Variants in TBXA2R observed in about 807,000 individuals in gnomAD.
TBXA2R encodes the protein prostanoid TP receptor.
A neutral mutation model predicts 15.6 loss-of-function variants in TBXA2R; 15 were observed. The ratio of observed to expected loss-of-function variants is 0.96; its 90% CI spans 0.64 to 1.48. The LOEUF is 1.48. TBXA2R is among the 40% of genes most tolerant of loss of function. TBXA2R has a pLI of 0.00. For missense variants in TBXA2R, 506 were observed against 491.4 expected, an observed-to-expected ratio of 1.03 and a Z score of -0.28; for synonymous variants, 280 against 241.2, an observed-to-expected ratio of 1.16 and a Z score of -1.49.
chr19:3,605,575 A>G (rs888694774), intron 1 of TBXA2R, among the ~76,000 whole-genome samples: 1 of 151,734 alleles, frequency 6.6e-6, no homozygotes, highest in Non-Finnish European at 1.5e-5. Context: ...ATACAGAAAC[A>G]TGGCAGATAC....
intron 2 of TBXA2R, among the ~76,000 whole-genome samples, chr19:3,598,345 CT>C (rs1300020033): frequency 1.7e-5 from 2 of 115,390 alleles, no homozygotes; most frequent in Non-Finnish European, 3.5e-5. Context: ...TCTTTCTTTT[CT>C]TTTCTTTTTT....
rs1462822471 is a variant in TBXA2R at position 3,600,425 on chromosome 19, G to T, written c.210C>A (p.Leu70=). Residue 70 remains leucine, a synonymous_variant, in exon 2 of 3, where the codon CTC becomes CTA. Coordinates refer to ENST00000375190, the MANE Select transcript of TBXA2R (RefSeq NM_001060.6). ...RSSFLTFLCG[L]VLTDFLGLLV... ...GCAGCCCCAGGAAGTCGGTGAGGAC[G>T]AGGCCGCAGAGGAAGGTGAGGAAGG... The T allele has an allele frequency of 5.6e-6, 9 of 1,613,174 alleles. No homozygotes were observed. The African/African-American group carries it at 6.7e-5, about 12-fold the overall frequency.
intron 2 of TBXA2R, 77 bp downstream of exon 2, chr19:3,599,764 GTCCCACCA>G: frequency 6.5e-7 from 1 of 1,539,608 alleles, no homozygotes; most frequent in Non-Finnish European, 8.8e-7. Context: ...ACCGCGCCCG[GTCCCACCA>G]TCAGGATCTA....
At chr19:3,599,319 TA>T in intron 2 of TBXA2R, among the ~76,000 whole-genome samples, 3 of 105,184 alleles carry the variant, frequency 2.9e-5, no homozygotes, top group Non-Finnish European at 6.5e-5. Context: ...CATGTCTGGC[TA>T]ATTTTTTTAT....
intron 2 of TBXA2R, among the ~76,000 whole-genome samples, chr19:3,599,538 G>A (rs2032673389): frequency 6.6e-6 from 1 of 151,848 alleles, no homozygotes; most frequent in Non-Finnish European, 1.5e-5. Context: ...CACCGTGTTG[G>A]CCAGAATGGT....
chr19:3,600,346 C>T lies in TBXA2R; in HGVS notation c.289G>A (p.Ala97Thr), dbSNP rs1271431494. ...SQHAALFEWH[A>T]VDPGCRLCRF... is the part of the protein sequence containing the mutation. Reference sequence around the variant, plus strand: ...CAGAGACGGCAGCCAGGGTCCACGGCGTGCCACTCGAAGAGCGCGGCGTGC... The same window carrying T: ...CAGAGACGGCAGCCAGGGTCCACGGTGTGCCACTCGAAGAGCGCGGCGTGC... The change falls in exon 2 of 3, where the codon GCC (alanine) becomes ACC (threonine). Residue 97 changes from alanine to threonine, a missense_variant. Ala to Thr is a moderately conservative substitution (Grantham distance 58). Coordinates refer to ENST00000375190, the MANE Select transcript of TBXA2R (RefSeq NM_001060.6). 6.2e-7 allele frequency: 1 copy of T among 1,613,260 alleles called. No individual in the cohort carries two copies. Among genetic ancestry groups the T allele is most frequent in the Non-Finnish European group, 8.5e-7 (1 of 1,179,832 alleles).
chr19:3,600,712 G>A lies in TBXA2R; in HGVS notation c.-78C>T. 2 of 1,521,142 alleles carry A rather than the reference G, an allele frequency of 1.3e-6. No homozygotes were observed. The highest frequency in any genetic ancestry group is 1.2e-5 in the South Asian group (1 of 85,442). The allele number at this position is 1,521,142 out of a possible 1,614,324, so 94.2% of individuals were successfully genotyped here. A position where few individuals can be genotyped will look rare whatever the true frequency, so the allele number is the denominator to read the frequency against. On this transcript the variant is annotated 5_prime_UTR_variant, in exon 2 of 3. Coordinates refer to ENST00000375190, the MANE Select transcript of TBXA2R (RefSeq NM_001060.6). ...ACAGGGCAGGCTGGCACTGGTTCAG[G>A]CACACCTGGGAGGCGAGAGAAGATT...
At chr19:3,598,595 G>A (rs919812672) in intron 2 of TBXA2R, among the ~76,000 whole-genome samples, 32 of 151,682 alleles carry the variant, frequency 2.1e-4, no homozygotes, top group African/African-American at 6.8e-4. Flanking sequence ...CAGGTGATCC[G>A]CCTGTCTCGG....
At position 3,597,525 on chromosome 19, in the gene TBXA2R, G is replaced by A. The variant is rs551634639; in HGVS notation, c.787-1592C>T. 3.0e-3 allele frequency among the ~76,000 whole-genome samples: 449 copies of A among 152,162 alleles called. 5 individuals are homozygous for A. Among genetic ancestry groups the A allele is most frequent in the African/African-American group, 0.01 (430 of 41,494 alleles). ...GCACACCTGTAGTCCCAGCTACTCC[G>A]GAGGCTGAAGTGGGAGGATCCCTTG... On this transcript the variant is annotated intron_variant, in intron 2 of 2. Coordinates refer to ENST00000375190, the MANE Select transcript of TBXA2R (RefSeq NM_001060.6).
chr19:3,594,874 C>T lies in TBXA2R; in HGVS notation c.*814G>A. 1.3e-6 allele frequency: 2 copies of T among 1,536,842 alleles called. No individual in the cohort carries two copies. The highest frequency in any genetic ancestry group is 2.4e-5 in the South Asian group (2 of 84,058). On this transcript the variant is annotated 3_prime_UTR_variant, in exon 3 of 3. Transcript: ENST00000375190. ...GACAGAGCCTTCCCTGTTGGAGGTT[C>T]AAAAGGAAGCAACTGTACCCCAGCA...
In TBXA2R at chr19:3,595,553, A is replaced by G; in HGVS notation, c.*135T>C. On this transcript the variant is annotated 3_prime_UTR_variant, in exon 3 of 3. Coordinates refer to ENST00000375190, the MANE Select transcript of TBXA2R (RefSeq NM_001060.6). ...GGGGTCCCCGGGTTGGATTGGGGTC[A>G]ACCCAAAACCCTGCTGCTGATGCCC... 2 of 1,439,260 alleles carry G rather than the reference A, an allele frequency of 1.4e-6. No homozygotes were observed. The highest frequency in any genetic ancestry group is 1.8e-6 in the Non-Finnish European group (2 of 1,098,834). The allele number at this position is 1,439,260 out of a possible 1,614,324, so 89.2% of individuals were successfully genotyped here.
chr19:3,595,745 G>T lies in TBXA2R; in HGVS notation c.975C>A (p.Thr325=). ...VLRRLQPRLS[T]RPRSLSLQPQ... Reference sequence around the variant, plus strand: ...GCTGGAGGGACAGCGACCTGGGCCGGGTGCTGAGGCGAGGCTGGAGACGCC... The same window carrying T: ...GCTGGAGGGACAGCGACCTGGGCCGTGTGCTGAGGCGAGGCTGGAGACGCC... The change falls in exon 3 of 3, where the codon ACC becomes ACA. Residue 325 remains threonine, a synonymous_variant. Coordinates refer to ENST00000375190, the MANE Select transcript of TBXA2R (RefSeq NM_001060.6). 1 of 1,605,242 alleles carries T rather than the reference G, an allele frequency of 6.2e-7. No individual in the cohort carries two copies. The highest frequency in any genetic ancestry group is 1.1e-5 in the South Asian group (1 of 89,490).
chr19:3,601,549 A>C lies in TBXA2R; in HGVS notation c.-83-832T>G, dbSNP rs1423423058. Among the ~76,000 whole-genome samples, 7 of 151,686 alleles carry C rather than the reference A, an allele frequency of 4.6e-5. No individual in the cohort carries two copies. The South Asian group carries it at 6.2e-4, about 14-fold the overall frequency. On this transcript the variant is annotated intron_variant, in intron 1 of 2. Coordinates refer to ENST00000375190, the MANE Select transcript of TBXA2R (RefSeq NM_001060.6). Reference sequence around the variant, plus strand: ...AAAAAAAAAAAACCAACCAACCAACAAACAAAAACGCTAAAAACCCCAAAA... The same window carrying C: ...AAAAAAAAAAAACCAACCAACCAACCAACAAAAACGCTAAAAACCCCAAAA...
intron 1 of TBXA2R, among the ~76,000 whole-genome samples, chr19:3,601,560 C>CT (rs1262007929): frequency 6.6e-6 from 1 of 150,602 alleles, no homozygotes; most frequent in Non-Finnish European, 1.5e-5. Context: ...AACAAAAACG[C>CT]TAAAAACCCC....
chr19:3,598,309 G>GT (rs952231586), intron 2 of TBXA2R, among the ~76,000 whole-genome samples: 4 of 147,358 alleles, frequency 2.7e-5, no homozygotes, highest in Admixed American at 2.7e-4. Context: ...CTTGCTTTGG[G>GT]TTTTTTTTCT....
intron 1 of TBXA2R, among the ~76,000 whole-genome samples, chr19:3,602,864 G>A (rs113604036): frequency 0.09 from 13,584 of 151,146 alleles, 698 homozygotes; most frequent in South Asian, 0.14. Flanking sequence ...GTGAAACCCC[G>A]TCTCTACTAA....
At chr19:3,603,035 CA>C (rs397714160) in intron 1 of TBXA2R, among the ~76,000 whole-genome samples, 55,653 of 135,728 alleles carry the variant, frequency 0.41, 11,448 homozygotes, top group Non-Finnish European at 0.49. Context: ...GACTCCATCT[CA>C]AAAAAAAAAA....
At chr19:3,596,563 A>G (rs2032608104) in intron 2 of TBXA2R, among the ~76,000 whole-genome samples, 1 of 152,108 alleles carries the variant, frequency 6.6e-6, no homozygotes, top group South Asian at 2.1e-4. Context: ...AATAAATAGA[A>G]AAGTTACCCA....
At chr19:3,598,346 T>TTTC in intron 2 of TBXA2R, among the ~76,000 whole-genome samples, 2 of 98,722 alleles carry the variant, frequency 2.0e-5, no homozygotes, top group Non-Finnish European at 4.4e-5. Context: ...CTTTCTTTTC[T>TTTC]TTTCTTTTTT....
Sources: gnomAD v4.1 joint callset for allele counts (sites outside exome capture counted in the v4.1 genomes callset) on GRCh38, gnomAD v4.1.1 for gene constraint, MANE v1.5 for transcripts, NCBI Gene and HGNC (gene_info 2026-07-23, HGNC 2026-07-21) for gene names.